The following CYRIA variants were observed in gnomAD, a reference collection of about 807,000 sequenced individuals.
CYRIA encodes the protein CYFIP related Rac1 interactor A, also known as CYFIP-related Rac1 interactor A.
In CYRIA, 15 loss-of-function variants were observed where a neutral mutation model predicts 43.9. The ratio of observed to expected loss-of-function variants is 0.34; its 90% CI spans 0.23 to 0.53. CYRIA has a LOEUF of 0.53. Ranked by LOEUF, CYRIA falls within the 20% of genes least tolerant of loss-of-function variation. The pLI is 0.94. For synonymous variants in CYRIA, 117 were observed against 136.0 expected, an observed-to-expected ratio of 0.86 and a Z score of 0.97; for missense variants, 236 against 394.2, an observed-to-expected ratio of 0.60 and a Z score of 3.40.
At chr2:16,581,812 A>G (rs1667559626) in intron 3 of CYRIA, among the ~76,000 whole-genome samples, 2 of 152,202 alleles carry the variant, frequency 1.3e-5, no homozygotes, top group African/African-American at 4.8e-5. Context: ...ATGATCATCA[A>G]CAGGAAAATG....
At position 16,583,331 on chromosome 2, in the gene CYRIA, T is replaced by C. The variant is rs535764731; in HGVS notation, c.70+4719A>G. ...CTTTGGATCTTGGAGCTCAAAAAGT[T>C]GCATGGGTTAGCTTCCCTGTTGTAA... On this transcript the variant is annotated intron_variant, in intron 3 of 11. Coordinates refer to ENST00000381323, the MANE Select transcript of CYRIA (RefSeq NM_030797.4). Among the ~76,000 whole-genome samples, 15 of 152,308 alleles carry C rather than the reference T, an allele frequency of 9.8e-5. No homozygotes were observed. The East Asian group carries it at 2.9e-3, about 29-fold the overall frequency.
At chr2:16,636,625 T>G (rs1398228811) in intron 1 of CYRIA, among the ~76,000 whole-genome samples, 1 of 152,204 alleles carries the variant, frequency 6.6e-6, no homozygotes, top group Middle Eastern at 3.4e-3. Context: ...AAAATGTTTT[T>G]GTTGAGGTCT....
At chr2:16,603,498 T>TC (rs1668278072) in intron 2 of CYRIA, among the ~76,000 whole-genome samples, 1 of 152,108 alleles carries the variant, frequency 6.6e-6, no homozygotes, top group African/African-American at 2.4e-5. Flanking sequence ...CCCCCACACT[T>TC]CCTTTGAAGT....
intron 1 of CYRIA, among the ~76,000 whole-genome samples, chr2:16,630,888 T>G (rs984275804): frequency 3.9e-5 from 6 of 152,220 alleles, no homozygotes; most frequent in Admixed American, 2.0e-4. Context: ...AGGTTTGAGA[T>G]GTCAGCGGCT....
intron 1 of CYRIA, among the ~76,000 whole-genome samples, chr2:16,631,836 C>T (rs985068495): frequency 6.6e-6 from 1 of 152,192 alleles, no homozygotes; most frequent in African/African-American, 2.4e-5. Context: ...ACCATGGCCA[C>T]GCTGCAGTGA....
chr2:16,586,073 G>A (rs1050993201), intron 3 of CYRIA, among the ~76,000 whole-genome samples: 1 of 152,088 alleles, frequency 6.6e-6, no homozygotes, highest in Non-Finnish European at 1.5e-5. Flanking sequence ...AGGCAAGTGA[G>A]GCCACTGAAT....
intron 1 of CYRIA, among the ~76,000 whole-genome samples, chr2:16,635,890 C>A (rs766596958): frequency 1.6e-4 from 24 of 152,238 alleles, no homozygotes; most frequent in Non-Finnish European, 3.4e-4. Context: ...AAAGACAATC[C>A]TTTTCTTCTC....
intron 5 of CYRIA, among the ~76,000 whole-genome samples, chr2:16,562,594 C>G (rs1163605309): frequency 3.9e-5 from 6 of 152,078 alleles, no homozygotes; most frequent in African/African-American, 1.4e-4. Context: ...AACCTAATCC[C>G]AAGAATATTT....
chr2:16,629,703 G>C (rs1308503379), intron 1 of CYRIA, among the ~76,000 whole-genome samples: 1 of 152,176 alleles, frequency 6.6e-6, no homozygotes, highest in African/African-American at 2.4e-5. Flanking sequence ...TTTTTTACCT[G>C]TTTTGTGTAG....
chr2:16,661,557 TATAGAA>T (rs1670254666), intron 1 of CYRIA, among the ~76,000 whole-genome samples: 1 of 152,206 alleles, frequency 6.6e-6, no homozygotes, highest in African/African-American at 2.4e-5. Flanking sequence ...ATTCATCACT[TATAGAA>T]ATAACATCCC....
intron 1 of CYRIA, among the ~76,000 whole-genome samples, chr2:16,633,658 G>A (rs1669405751): frequency 6.8e-6 from 1 of 147,324 alleles, no homozygotes; most frequent in Admixed American, 7.0e-5. Context: ...TGGGATTACA[G>A]GCATGAGCCA....
intron 2 of CYRIA, among the ~76,000 whole-genome samples, chr2:16,591,084 C>G (rs533325116): frequency 6.6e-6 from 1 of 152,164 alleles, no homozygotes; most frequent in South Asian, 2.1e-4. Context: ...TCAGTGAATA[C>G]AAAATATACG....
In CYRIA at chr2:16,642,510, T is replaced by C. The variant is rs138262903; in HGVS notation, c.-166-18491A>G. Among the ~76,000 whole-genome samples, 1,021 of 152,302 alleles carry C rather than the reference T, an allele frequency of 6.7e-3. 8 individuals carry two copies. Among genetic ancestry groups the C allele is most frequent in the African/African-American group, 0.023 (939 of 41,554 alleles). Reference sequence around the variant, plus strand: ...ACACGCTGCCGCCAGGGTCCCCCAGTTCCACCCCTGACACCCTGTTGTTTT... The same window carrying C: ...ACACGCTGCCGCCAGGGTCCCCCAGCTCCACCCCTGACACCCTGTTGTTTT... On this transcript the variant is annotated intron_variant, in intron 1 of 11. Transcript: ENST00000381323.
intron 1 of CYRIA, among the ~76,000 whole-genome samples, chr2:16,640,729 C>A (rs770111976): frequency 6.6e-6 from 1 of 152,202 alleles, no homozygotes; most frequent in Non-Finnish European, 1.5e-5. Context: ...GACCTGGATG[C>A]GTCAGCTCTC....
chr2:16,585,730 A>G (rs965943185), intron 3 of CYRIA, among the ~76,000 whole-genome samples: 1 of 152,114 alleles, frequency 6.6e-6, no homozygotes, highest in Non-Finnish European at 1.5e-5. Context: ...CATTAAGAAA[A>G]TATTCAAAGT....
chr2:16,600,396 T>G (rs1254836941), intron 2 of CYRIA, among the ~76,000 whole-genome samples: 1 of 152,146 alleles, frequency 6.6e-6, no homozygotes. Context: ...AGTTTCTTCT[T>G]CCTCCTTTGG....
chr2:16,638,704 C>T (rs925091789), intron 1 of CYRIA, among the ~76,000 whole-genome samples: 3 of 152,128 alleles, frequency 2.0e-5, no homozygotes, highest in Non-Finnish European at 2.9e-5. Context: ...GCATTTTGAA[C>T]GTAGGGTTTT....
chr2:16,614,154 A>C (rs1226407900), intron 2 of CYRIA, among the ~76,000 whole-genome samples: 45 of 152,182 alleles, frequency 3.0e-4, no homozygotes, highest in Admixed American at 2.7e-3. Flanking sequence ...TGAGTCAGAA[A>C]ATACTCTGGA....
intron 2 of CYRIA, among the ~76,000 whole-genome samples, chr2:16,588,908 G>T (rs948596125): frequency 6.6e-6 from 1 of 152,108 alleles, no homozygotes; most frequent in Non-Finnish European, 1.5e-5. Context: ...CTGCAAAGGT[G>T]AGTCAAATCA....
Sources: allele counts gnomAD v4.1 joint callset (sites outside exome capture counted in the v4.1 genomes callset), GRCh38; gene constraint gnomAD v4.1.1; transcripts MANE v1.5; gene names NCBI Gene and HGNC (gene_info 2026-07-23, HGNC 2026-07-21).